The following MARCHF1 variants were observed in gnomAD, a reference collection of about 807,000 sequenced individuals.
MARCHF1 encodes the protein E3 ubiquitin-protein ligase MARCHF1.
MARCHF1 carries 40 observed loss-of-function variants against 54.2 expected under a neutral mutation model. That is an observed-to-expected ratio of 0.74 (90% confidence interval 0.57 to 0.96). The LOEUF (loss-of-function observed/expected upper bound fraction) is 0.96, where lower values mean the gene tolerates loss of function less well. MARCHF1 is among the 40% of genes least tolerant of loss of function. The pLI is 0.00. For synonymous variants in MARCHF1, 236 were observed against 236.3 expected (o/e 1.00, Z 0.01); for missense variants, 586 against 656.5 (o/e 0.89, Z 1.17).
At chr4:163,641,077 A>C (rs1320627198) in intron 5 of MARCHF1, among the ~76,000 whole-genome samples, 1 of 152,072 alleles carries the variant, frequency 6.6e-6, no homozygotes, top group Non-Finnish European at 1.5e-5. Flanking sequence ...TGCAGTCTCT[A>C]TTGTCTCTAA....
chr4:163,887,898 C>CA (rs2111260707), intron 3 of MARCHF1, among the ~76,000 whole-genome samples: 1 of 152,236 alleles, frequency 6.6e-6, no homozygotes, highest in Non-Finnish European at 1.5e-5. Context: ...GGCAATAACT[C>CA]AAGTATCTAT....
intron 2 of MARCHF1, among the ~76,000 whole-genome samples, chr4:164,049,085 A>G (rs536502559): frequency 6.6e-6 from 1 of 152,358 alleles, no homozygotes; most frequent in South Asian, 2.1e-4. Flanking sequence ...ATACTACCTG[A>G]GAATGTGCAA....
intron 4 of MARCHF1, among the ~76,000 whole-genome samples, chr4:163,744,607 T>C (rs1397755348): frequency 6.6e-6 from 1 of 152,182 alleles, no homozygotes; most frequent in Non-Finnish European, 1.5e-5. Flanking sequence ...ACCTGTCAAA[T>C]AAGGAATATT....
chr4:164,148,142 A>AACACACACAC (rs10573891), intron 1 of MARCHF1, among the ~76,000 whole-genome samples: 106 of 147,850 alleles, frequency 7.2e-4, no homozygotes, highest in African/African-American at 2.4e-3. Context: ...TTAAAAAAAT[A>AACACACACAC]ACACACACAC....
intron 2 of MARCHF1, among the ~76,000 whole-genome samples, chr4:164,017,448 A>C (rs1286041119): frequency 6.6e-6 from 1 of 152,074 alleles, no homozygotes; most frequent in Non-Finnish European, 1.5e-5. Flanking sequence ...AAGAAATTAC[A>C]ATTAATTGAA....
In MARCHF1 at chr4:163,899,652, T is replaced by C. The variant is rs528728373; in HGVS notation, c.-38-45483A>G. On this transcript the variant is annotated intron_variant, in intron 3 of 9. Coordinates refer to ENST00000514618, the MANE Select transcript of MARCHF1 (RefSeq NM_001394959.1). Reference sequence around the variant, plus strand: ...GTCCATATCCCAGGCCTCTCTCTCCTGACCTGACCTTCAGATCTATATTTA... The same window carrying C: ...GTCCATATCCCAGGCCTCTCTCTCCCGACCTGACCTTCAGATCTATATTTA... Among the ~76,000 whole-genome samples the C allele has an allele frequency of 2.0e-5, 3 of 152,210 alleles. No individual in the cohort carries two copies. The East Asian group carries it at 5.8e-4, about 29-fold the overall frequency.
At chr4:164,366,369 T>A (rs1035969079) in intron 1 of MARCHF1, among the ~76,000 whole-genome samples, 4 of 152,006 alleles carry the variant, frequency 2.6e-5, no homozygotes, top group African/African-American at 9.7e-5. Context: ...AAGACTGTAG[T>A]GATAACTGAA....
chr4:164,064,773 T>C (rs1302927224), intron 2 of MARCHF1, among the ~76,000 whole-genome samples: 1 of 152,210 alleles, frequency 6.6e-6, no homozygotes, highest in Non-Finnish European at 1.5e-5. Flanking sequence ...AGTATGATGT[T>C]GACTGTGAGT....
chr4:163,551,747 T>C (rs1409321504), intron 8 of MARCHF1, among the ~76,000 whole-genome samples: 1 of 152,204 alleles, frequency 6.6e-6, no homozygotes, highest in Non-Finnish European at 1.5e-5. Flanking sequence ...TCCCCCATAC[T>C]GTTCTTGTGG....
chr4:163,949,069 C>A (rs1752078921), intron 3 of MARCHF1, among the ~76,000 whole-genome samples: 1 of 152,238 alleles, frequency 6.6e-6, no homozygotes, highest in South Asian at 2.1e-4. Context: ...GCTCATTCTG[C>A]CCACTTGGCC....
At chr4:164,291,734 G>A (rs1201898871) in intron 1 of MARCHF1, among the ~76,000 whole-genome samples, 1 of 151,950 alleles carries the variant, frequency 6.6e-6, no homozygotes, top group African/African-American at 2.4e-5. Flanking sequence ...ACAGTAGTAG[G>A]AATTTGCATA....
At chr4:164,127,709 A>T (rs536758144) in intron 1 of MARCHF1, among the ~76,000 whole-genome samples, 1 of 152,208 alleles carries the variant, frequency 6.6e-6, no homozygotes, top group African/African-American at 2.4e-5. Context: ...TCAAAAAATT[A>T]TGTGAAGAAA....
intron 4 of MARCHF1, among the ~76,000 whole-genome samples, chr4:163,834,654 G>A (rs1035503519): frequency 7.6e-5 from 10 of 131,202 alleles, no homozygotes; most frequent in African/African-American, 3.0e-4. Context: ...TTAGGGACAT[G>A]GATGAAATTG....
At chr4:163,635,278 A>C (rs1380182437) in intron 5 of MARCHF1, among the ~76,000 whole-genome samples, 1 of 136,874 alleles carries the variant, frequency 7.3e-6, no homozygotes, top group Non-Finnish European at 1.5e-5. Context: ...AGAGACACAA[A>C]AAACCCTTCA....
At chr4:164,098,640 T>G (rs1360076845) in intron 2 of MARCHF1, among the ~76,000 whole-genome samples, 2 of 152,240 alleles carry the variant, frequency 1.3e-5, no homozygotes, top group Admixed American at 6.5e-5. Flanking sequence ...TAAATTGGTA[T>G]GTATTCCCAA....
intron 1 of MARCHF1, among the ~76,000 whole-genome samples, chr4:164,376,351 T>G (rs1731192301): frequency 6.6e-6 from 1 of 152,230 alleles, no homozygotes; most frequent in Admixed American, 6.5e-5. Context: ...CTCATTGTAA[T>G]GGATGTAGCT....
At chr4:164,130,062 A>G (rs1455501834) in intron 1 of MARCHF1, 2 of 152,182 alleles carry the variant, frequency 1.3e-5, no homozygotes, top group Non-Finnish European at 2.9e-5. Context: ...TTGTAAAAGC[A>G]TCTGCAATAA....
chr4:164,151,973 T>G (rs990348930), intron 1 of MARCHF1, among the ~76,000 whole-genome samples: 5 of 152,138 alleles, frequency 3.3e-5, no homozygotes, highest in African/African-American at 1.2e-4. Flanking sequence ...CTTCTATAAT[T>G]CTAACCATAT....
intron 4 of MARCHF1, among the ~76,000 whole-genome samples, chr4:163,710,219 T>C (rs1745067731): frequency 6.6e-6 from 1 of 152,158 alleles, no homozygotes; most frequent in Non-Finnish European, 1.5e-5. Flanking sequence ...CTTTGAAAAG[T>C]GGTGACCATT....
Sources: allele counts gnomAD v4.1 joint callset (sites outside exome capture counted in the v4.1 genomes callset), GRCh38; gene constraint gnomAD v4.1.1; transcripts MANE v1.5; gene names NCBI Gene and HGNC (gene_info 2026-07-23, HGNC 2026-07-21).